Variants in PIK3C2A observed in about 807,000 individuals in gnomAD.
The protein encoded by PIK3C2A is phosphatidylinositol-4-phosphate 3-kinase catalytic subunit type 2 alpha, also known as phosphatidylinositol 4-phosphate 3-kinase C2 domain-containing subunit alpha.
A neutral mutation model predicts 204.5 loss-of-function variants in PIK3C2A; 97 were observed. That is an observed-to-expected ratio of 0.47 (90% CI 0.40 to 0.56). The LOEUF is 0.56. PIK3C2A is among the 20% of genes least tolerant of loss of function. PIK3C2A has a pLI of 0.00. For missense variants in PIK3C2A, 1,735 were observed against 1,969.2 expected, an observed-to-expected ratio of 0.88 and a Z score of 2.25; for synonymous variants, 653 against 664.4, an observed-to-expected ratio of 0.98 and a Z score of 0.26.
intron 28 of PIK3C2A, among the ~76,000 whole-genome samples, chr11:17,093,539 T>C (rs952451773): frequency 2.0e-5 from 3 of 151,978 alleles, no homozygotes; most frequent in Non-Finnish European, 2.9e-5. Flanking sequence ...GCTGGGATTA[T>C]AGGTGTGAGC....
At chr11:17,183,863 G>A (rs539100052) in intron 1 of PIK3C2A, among the ~76,000 whole-genome samples, 1 of 151,786 alleles carries the variant, frequency 6.6e-6, no homozygotes, top group Non-Finnish European at 1.5e-5. Context: ...CCCTCCCTTT[G>A]GGAGGTCGAG....
chr11:17,199,114 G>A (rs1395115383), intron 1 of PIK3C2A, among the ~76,000 whole-genome samples: 3 of 142,440 alleles, frequency 2.1e-5, no homozygotes, highest in Admixed American at 7.0e-5. Context: ...GTGAGACACC[G>A]TCTCAAGAAA....
chr11:17,150,487 C>T lies in PIK3C2A; in HGVS notation c.1327+11G>A. The T allele has an allele frequency of 6.3e-7, 1 of 1,591,942 alleles. No individual in the cohort carries two copies. Among genetic ancestry groups the T allele is most frequent in the South Asian group, 1.1e-5 (1 of 87,754 alleles). On this transcript the variant is annotated intron_variant, in intron 4 of 32. Transcript: ENST00000691414. ...GAGCAAAACGAGAGGCTTGAGGAAC[C>T]ATAAACCTACCATCACACGTAAAAG...
intron 1 of PIK3C2A, among the ~76,000 whole-genome samples, chr11:17,181,878 G>C (rs901232816): frequency 9.2e-5 from 14 of 151,742 alleles, no homozygotes; most frequent in Non-Finnish European, 1.3e-4. Flanking sequence ...GATCACTTGA[G>C]GTCAGGAGTT....
At chr11:17,095,332 T>C (rs1848419816) in intron 27 of PIK3C2A, among the ~76,000 whole-genome samples, 1 of 150,540 alleles carries the variant, frequency 6.6e-6, no homozygotes, top group Non-Finnish European at 1.5e-5. Flanking sequence ...TCCCAGCACT[T>C]TGGAAGGCTG....
intron 8 of PIK3C2A, among the ~76,000 whole-genome samples, chr11:17,140,479 A>C (rs1400239014): frequency 1.3e-5 from 2 of 152,230 alleles, no homozygotes; most frequent in Non-Finnish European, 2.9e-5. Flanking sequence ...GCAAGAAAAA[A>C]GTGAACTATA....
chr11:17,144,879 A>G (rs1850178625), intron 8 of PIK3C2A, among the ~76,000 whole-genome samples: 1 of 126,160 alleles, frequency 7.9e-6, no homozygotes, highest in Non-Finnish European at 1.6e-5. Context: ...TGAGCAACAC[A>G]TGGAGACTCA....
At position 17,134,950 on chromosome 11, in the gene PIK3C2A, A is replaced by G. The variant is rs375550577; in HGVS notation, c.1977T>C (p.His659=). The part of the protein sequence containing the change: ...TAAIYDLLRL[H]ANSGRSPTDC... ...CTGTAGGACTCCTACCAGAATTTGC[A>G]TGGAGTCTGAGAAGATCATAAATTG... Residue 659 remains histidine, a synonymous_variant, in exon 11 of 33, where the codon CAT becomes CAC. Transcript: ENST00000691414. 11 of 1,614,048 alleles carry G rather than the reference A, an allele frequency of 6.8e-6. No individual in the cohort carries two copies. The highest frequency in any genetic ancestry group is 9.3e-6 in the Non-Finnish European group (11 of 1,179,872).
At position 17,117,589 on chromosome 11, in the gene PIK3C2A, T is replaced by C. The variant is rs750830627; in HGVS notation, c.3118A>G (p.Lys1040Glu). ...TTTAGAAGTTCTTCTCTAAGTCGTTTTCCTCCTACTGACAGGAGAGCACCC... is the reference window on the plus strand; with the variant it reads ...TTTAGAAGTTCTTCTCTAAGTCGTTCTCCTCCTACTGACAGGAGAGCACCC... ...VLGALLSVGG[K>E]RLREELLKQT... The change falls in exon 19 of 33, where the codon AAA becomes GAA. Residue 1040 changes from lysine to glutamate, a missense_variant. Physicochemically the swap from Lys to Glu is moderately conservative, Grantham distance 56 (BLOSUM62 1). This residue lies in a region of PIK3C2A where 567 missense variants were observed against 576.0 expected (regional missense o/e 0.98). Coordinates refer to ENST00000691414, the MANE Select transcript of PIK3C2A (RefSeq NM_002645.4). 1.2e-6 allele frequency: 2 copies of C among 1,613,372 alleles called. No individual in the cohort carries two copies. Among genetic ancestry groups the C allele is most frequent in the South Asian group, 1.1e-5 (1 of 91,070 alleles).
At chr11:17,111,875 T>A (rs1006317441) in intron 21 of PIK3C2A, among the ~76,000 whole-genome samples, 6 of 71,536 alleles carry the variant, frequency 8.4e-5, no homozygotes, top group African/African-American at 2.9e-4. Context: ...AAACTCAGTC[T>A]CCAAAACAAA....
At chr11:17,138,630 G>A (rs1818919171) in intron 8 of PIK3C2A, among the ~76,000 whole-genome samples, 1 of 152,194 alleles carries the variant, frequency 6.6e-6, no homozygotes, top group East Asian at 1.9e-4. Context: ...CTTAGAGTAG[G>A]GTTGGCAAAC....
At chr11:17,156,837 T>C (rs959766257) in intron 2 of PIK3C2A, among the ~76,000 whole-genome samples, 3 of 152,042 alleles carry the variant, frequency 2.0e-5, no homozygotes, top group African/African-American at 4.8e-5. Context: ...AGAGTTAAGG[T>C]AGACTACTGA....
Position 17,087,239 on chromosome 11 carries a change from T to C in PIK3C2A, c.*2499A>G, listed in dbSNP as rs552565731. 84 of 152,328 alleles carry C rather than the reference T, an allele frequency of 5.5e-4. No individual in the cohort carries two copies. The highest frequency in any genetic ancestry group is 1.9e-3 in the African/African-American group (79 of 41,592). 9.4% of individuals were successfully genotyped at this position (152,328 alleles called of 1,614,324 possible). On this transcript the variant is annotated 3_prime_UTR_variant, in exon 33 of 33. Transcript: ENST00000691414. ...CAGTTTGTTAAACTTTTTTTAGATT[T>C]ACTTTAATGTCAGCTTTTAAAAAAT...
chr11:17,110,344 T>C, intron 22 of PIK3C2A, 88 bp downstream of exon 22: 1 of 846,876 alleles, frequency 1.2e-6, no homozygotes. Flanking sequence ...GATACCAGGG[T>C]ATCTGCATCA....
intron 26 of PIK3C2A, among the ~76,000 whole-genome samples, chr11:17,099,521 G>T (rs1848553821): frequency 6.6e-6 from 1 of 152,074 alleles, no homozygotes; most frequent in Non-Finnish European, 1.5e-5. Flanking sequence ...ACTCTAGCCT[G>T]GATGAAACAG....
chr11:17,127,598 T>A (rs1445334596), intron 13 of PIK3C2A, among the ~76,000 whole-genome samples: 2 of 152,186 alleles, frequency 1.3e-5, no homozygotes, highest in African/African-American at 4.8e-5. Flanking sequence ...TGTGAGCCAC[T>A]GTGCCCAGCC....
intron 1 of PIK3C2A, among the ~76,000 whole-genome samples, chr11:17,172,901 GA>G (rs113338356): frequency 2.6e-5 from 4 of 152,152 alleles, no homozygotes; most frequent in African/African-American, 9.7e-5. Flanking sequence ...TGAAGGGGGG[GA>G]AATCTTAACA....
intron 13 of PIK3C2A, among the ~76,000 whole-genome samples, chr11:17,123,215 C>A (rs1849417223): frequency 6.6e-6 from 1 of 152,060 alleles, no homozygotes; most frequent in South Asian, 2.1e-4. Context: ...ATCATTAGAT[C>A]AAAAATACAA....
At chr11:17,091,268 G>A (rs1254102043) in intron 32 of PIK3C2A, 66 bp downstream of exon 32, 1 of 1,452,930 alleles carries the variant, frequency 6.9e-7, no homozygotes, top group Admixed American at 1.9e-5. Context: ...ACGCACGTCA[G>A]AACTTAAAAA....
Sources: allele counts gnomAD v4.1 joint callset (sites outside exome capture counted in the v4.1 genomes callset), GRCh38; gene constraint gnomAD v4.1.1; regional missense constraint gnomAD v4.1.1; transcripts MANE v1.5; gene names NCBI Gene and HGNC (gene_info 2026-07-23, HGNC 2026-07-21).